The following MAGI2 variants were observed in gnomAD, a reference collection of about 807,000 sequenced individuals.
The protein encoded by MAGI2 is membrane-associated guanylate kinase, WW and PDZ domain-containing protein 2.
In MAGI2, 35 loss-of-function variants were observed where a neutral mutation model predicts 133.3. That is an observed-to-expected ratio of 0.26 (90% CI 0.20 to 0.35). The LOEUF is 0.35. Ranked by LOEUF, MAGI2 falls within the 10% of genes least tolerant of loss-of-function variation. MAGI2 has a pLI of 1.00. For missense variants in MAGI2, 1,636 were observed against 1,863.4 expected, an observed-to-expected ratio of 0.88 and a Z score of 2.25; for synonymous variants, 729 against 710.6, an observed-to-expected ratio of 1.03 and a Z score of -0.41.
chr7:78,669,484 C>T (rs1216805185), intron 2 of MAGI2, among the ~76,000 whole-genome samples: 2 of 152,112 alleles, frequency 1.3e-5, no homozygotes, highest in East Asian at 3.9e-4. Flanking sequence ...CCAAATTCTA[C>T]CAGAGGTACA....
chr7:79,062,874 G>A (rs1813906510), intron 1 of MAGI2, among the ~76,000 whole-genome samples: 2 of 152,096 alleles, frequency 1.3e-5, no homozygotes, highest in Admixed American at 1.3e-4. Context: ...GTAATGGGAA[G>A]CATGTAGTTC....
chr7:79,166,868 A>G (rs1354625849), intron 1 of MAGI2, among the ~76,000 whole-genome samples: 1 of 152,062 alleles, frequency 6.6e-6, no homozygotes, highest in East Asian at 1.9e-4. Flanking sequence ...CGGTACAGAA[A>G]AGAAAGATCA....
At chr7:78,855,855 G>C (rs1169308671) in intron 2 of MAGI2, among the ~76,000 whole-genome samples, 3 of 152,192 alleles carry the variant, frequency 2.0e-5, no homozygotes, top group Non-Finnish European at 4.4e-5. Context: ...GGTTGAACTA[G>C]TTTACAGTCC....
Position 79,452,206 on chromosome 7 carries a change from A to G in MAGI2, c.301+814T>C, listed in dbSNP as rs189761952. On this transcript the variant is annotated intron_variant, in intron 1 of 21. Transcript: ENST00000354212. ...TGAGGGCAACCCCTGAGTAAAGTCCATGCGGACAACCATTCATCTCCTCCG... is the reference window on the plus strand; with the variant it reads ...TGAGGGCAACCCCTGAGTAAAGTCCGTGCGGACAACCATTCATCTCCTCCG... 3.0e-3 allele frequency among the ~76,000 whole-genome samples: 464 copies of G among 152,250 alleles called. 2 individuals carry two copies. Among genetic ancestry groups the G allele is most frequent in the African/African-American group, 9.9e-3 (411 of 41,562 alleles).
chr7:78,929,364 T>C (rs2363921), intron 2 of MAGI2, among the ~76,000 whole-genome samples: 4,139 of 152,188 alleles, frequency 0.027, 164 homozygotes, highest in African/African-American at 0.088. Flanking sequence ...ATAAAAAGGC[T>C]GTAGTAATTT....
chr7:78,404,647 A>T (rs1797212800), intron 6 of MAGI2, among the ~76,000 whole-genome samples: 1 of 152,172 alleles, frequency 6.6e-6, no homozygotes, highest in Non-Finnish European at 1.5e-5. Context: ...TCTCTTCCTT[A>T]TACCTTATAC....
intron 19 of MAGI2, 25 bp from the exon 20 acceptor site, chr7:78,125,862 A>G (rs958959650): frequency 6.2e-7 from 1 of 1,610,540 alleles, no homozygotes; most frequent in South Asian, 1.1e-5. Context: ...AGAAAATGGA[A>G]TAAATAATTA....
intron 9 of MAGI2, among the ~76,000 whole-genome samples, chr7:78,280,899 G>A (rs564400316): frequency 1.3e-5 from 2 of 149,988 alleles, no homozygotes; most frequent in Admixed American, 1.3e-4. Context: ...GCTCTGAAGC[G>A]TGTTGTCTTC....
intron 1 of MAGI2, among the ~76,000 whole-genome samples, chr7:79,237,590 T>G (rs184554856): frequency 2.6e-4 from 40 of 152,320 alleles, no homozygotes; most frequent in African/African-American, 9.6e-4. Flanking sequence ...TCTCTTTCTC[T>G]CTAGGTATCT....
intron 20 of MAGI2, among the ~76,000 whole-genome samples, chr7:78,094,153 G>C (rs1203823169): frequency 6.6e-6 from 1 of 152,146 alleles, no homozygotes; most frequent in Non-Finnish European, 1.5e-5. Context: ...GCCACTGACT[G>C]TACCCCTTAA....
intron 1 of MAGI2, among the ~76,000 whole-genome samples, chr7:79,263,986 A>G (rs563163855): frequency 7.7e-4 from 117 of 152,334 alleles, no homozygotes; most frequent in African/African-American, 2.7e-3. Context: ...TTTAAGGTCT[A>G]TGGCAGAAAT....
At chr7:79,050,493 C>T (rs192385031) in intron 1 of MAGI2, among the ~76,000 whole-genome samples, 1 of 152,286 alleles carries the variant, frequency 6.6e-6, no homozygotes. Flanking sequence ...AGCGATCCTC[C>T]TGCCACATCC....
intron 6 of MAGI2, among the ~76,000 whole-genome samples, chr7:78,429,422 G>A (rs1400581080): frequency 6.6e-6 from 1 of 152,044 alleles, no homozygotes; most frequent in African/African-American, 2.4e-5. Context: ...GAAGAGGGTA[G>A]GGGAGGTAGA....
At chr7:79,025,028 G>C (rs1584717564) in intron 1 of MAGI2, among the ~76,000 whole-genome samples, 1 of 151,892 alleles carries the variant, frequency 6.6e-6, no homozygotes, top group Admixed American at 6.6e-5. Context: ...AATATAAACT[G>C]TTCTACCATA....
At chr7:78,452,872 A>T (rs1254315371) in intron 6 of MAGI2, among the ~76,000 whole-genome samples, 2 of 152,098 alleles carry the variant, frequency 1.3e-5, no homozygotes, top group South Asian at 4.1e-4. Context: ...ATTTATTAGC[A>T]TATTTTTAAA....
intron 1 of MAGI2, among the ~76,000 whole-genome samples, chr7:79,157,160 C>A (rs1041586836): frequency 1.3e-4 from 20 of 152,028 alleles, no homozygotes; most frequent in African/African-American, 4.1e-4. Context: ...GCATGAGAAA[C>A]TGAACTGTTG....
intron 9 of MAGI2, among the ~76,000 whole-genome samples, chr7:78,289,267 C>T (rs1003558521): frequency 2.0e-5 from 3 of 152,012 alleles, no homozygotes; most frequent in Admixed American, 2.0e-4. Flanking sequence ...CTTAAATGAC[C>T]TGATGGAGCT....
intron 2 of MAGI2, among the ~76,000 whole-genome samples, chr7:78,672,289 C>T (rs1814486789): frequency 6.6e-6 from 1 of 152,084 alleles, no homozygotes; most frequent in African/African-American, 2.4e-5. Flanking sequence ...CTCTTGCTCC[C>T]TCTCTTGCCA....
chr7:78,705,577 C>A (rs994051161), intron 2 of MAGI2, among the ~76,000 whole-genome samples: 1 of 151,878 alleles, frequency 6.6e-6, no homozygotes, highest in African/African-American at 2.4e-5. Context: ...TGCTGACAAA[C>A]TTTCCTTCAG....
Sources: allele counts gnomAD v4.1 joint callset (sites outside exome capture counted in the v4.1 genomes callset), GRCh38; gene constraint gnomAD v4.1.1; transcripts MANE v1.5; gene names NCBI Gene and HGNC (gene_info 2026-07-23, HGNC 2026-07-21).